Variants in PAPLN observed in about 807,000 individuals in gnomAD.
PAPLN encodes the protein papilin.
A neutral mutation model predicts 159.0 loss-of-function variants in PAPLN; 146 were observed. The ratio of observed to expected loss-of-function variants is 0.92; its 90% CI spans 0.80 to 1.05. The LOEUF is 1.05. Among genes scored for constraint, PAPLN ranks in the 50% least tolerant of loss-of-function variants. The probability of loss-of-function intolerance (pLI) is 0.00; values close to 1 mark genes in which losing one functional copy is unlikely to be tolerated. For missense variants in PAPLN, 1,720 were observed against 1,743.9 expected, an observed-to-expected ratio of 0.99 and a Z score of 0.24; for synonymous variants, 734 against 702.9, an observed-to-expected ratio of 1.04 and a Z score of -0.70.
chr14:73,264,347 C>T lies in PAPLN; in HGVS notation c.2986+12C>T. On this transcript the variant is annotated intron_variant, in intron 21 of 26. Transcript: ENST00000644200. ...ACTTCGCATCATAGGTCTCTGTCCC[C>T]ACCCCATCCACCAGTGCGTTCTCAG... 6.2e-7 allele frequency: 1 copy of T among 1,609,014 alleles called. No individual in the cohort carries two copies. Among genetic ancestry groups the T allele is most frequent in the South Asian group, 1.1e-5 (1 of 90,318 alleles).
chr14:73,255,435 ATGTC>A (rs1885795821), intron 14 of PAPLN, among the ~76,000 whole-genome samples: 1 of 152,134 alleles, frequency 6.6e-6, no homozygotes, highest in South Asian at 2.1e-4. Flanking sequence ...TACTCAGTGA[ATGTC>A]TGTTGAATGA....
At position 73,263,635 on chromosome 14, in the gene PAPLN, A is replaced by G. The variant is rs200790351; in HGVS notation, c.2724-10A>G. ...TGCCAGTCAGCAGATCTCACTTCCC[A>G]CCTCTCCAGGATTAGCTTGGCAGGT... On this transcript the variant is annotated splice_polypyrimidine_tract_variant and intron_variant, in intron 19 of 26. Transcript: ENST00000644200. 1.9e-6 allele frequency: 3 copies of G among 1,613,488 alleles called. No homozygotes were observed. Among genetic ancestry groups the G allele is most frequent in the East Asian group, 4.5e-5 (2 of 44,882 alleles).
rs1210849629 is a variant in PAPLN at position 73,253,824 on chromosome 14, T to C, written c.1165T>C (p.Cys389Arg). The C allele has an allele frequency of 6.2e-7, 1 of 1,613,644 alleles. No individual in the cohort carries two copies. Among genetic ancestry groups the C allele is most frequent in the Non-Finnish European group, 8.5e-7 (1 of 1,179,934 alleles). ...AGGCTCCCAGTCCCGCTCCGTGTACTGCATCTCGTCTGACGGGGCCGGCAT... is the reference window on the plus strand; with the variant it reads ...AGGCTCCCAGTCCCGCTCCGTGTACCGCATCTCGTCTGACGGGGCCGGCAT... ...GGGSQSRSVYCISSDGAGIQE... is the reference protein window; with the variant it reads ...GGGSQSRSVYRISSDGAGIQE... Residue 389 changes from cysteine to arginine, a missense_variant, in exon 12 of 27, where the codon TGC becomes CGC. By Grantham distance (180) the Cys-to-Arg change is radical (BLOSUM62 -3). Coordinates refer to ENST00000644200, the MANE Select transcript of PAPLN (RefSeq NM_001365906.3).
At chr14:73,270,808 A>G (rs1887652236) in intron 26 of PAPLN, among the ~76,000 whole-genome samples, 1 of 151,588 alleles carries the variant, frequency 6.6e-6, no homozygotes, top group East Asian at 1.9e-4. Context: ...CAGTCTGGCC[A>G]CTCTCCTCCG....
rs552094660 is a variant in PAPLN at position 73,265,689 on chromosome 14, C to G, written c.3263+182C>G. Among the ~76,000 whole-genome samples the G allele has an allele frequency of 4.6e-5, 7 of 152,200 alleles. No individual in the cohort carries two copies. Among genetic ancestry groups the G allele is most frequent in the Non-Finnish European group, 1.0e-4 (7 of 68,034 alleles). On this transcript the variant is annotated intron_variant, in intron 23 of 26. Transcript: ENST00000644200. This position sits in a 1 kb window ranked among gnomAD's most constrained non-coding sequence, Gnocchi z 4.1. ...TCCTTGGGTTGGCTAACATTTGAGT[C>G]TCTGGGCCTTTCCAGAATGTGGTTA...
rs140979962 is a variant in PAPLN, at chr14:73,254,997, C to A, written c.1606C>A (p.Gln536Lys). The A allele has an allele frequency of 1.1e-4, 181 of 1,613,556 alleles. No individual in the cohort carries two copies. In the African/African-American group the frequency reaches 1.9e-3, roughly 17 times the overall value. Reference sequence around the variant, plus strand: ...TGTGGATGTGGAGCCTTGTAACACGCAGCCCTGTCATCTCCCCCAGGGTAA... The same window carrying A: ...TGTGGATGTGGAGCCTTGTAACACGAAGCCCTGTCATCTCCCCCAGGGTAA... ...KPVDVEPCNT[Q>K]PCHLPQEVPS... The change falls in exon 14 of 27, where the codon CAG becomes AAG. Residue 536 changes from glutamine (Q) to lysine (K), a missense_variant. Coordinates refer to ENST00000644200, the MANE Select transcript of PAPLN (RefSeq NM_001365906.3).
intron 2 of PAPLN, among the ~76,000 whole-genome samples, chr14:73,241,030 G>A (rs886616870): frequency 7.2e-5 from 11 of 152,046 alleles, no homozygotes; most frequent in Non-Finnish European, 1.0e-4. Context: ...GGGATGCCAC[G>A]TCTGGCATCT....
chr14:73,244,569 C>A, intron 2 of PAPLN, 75 bp from the exon 3 acceptor site: 2 of 1,285,030 alleles, frequency 1.6e-6, no homozygotes, highest in East Asian at 2.5e-5. Flanking sequence ...GGGTTTTAGG[C>A]AGAGCATCTT....
chr14:73,238,095 G>T (rs1278183508), intron 1 of PAPLN, among the ~76,000 whole-genome samples: 1 of 152,194 alleles, frequency 6.6e-6, no homozygotes, highest in East Asian at 1.9e-4. Context: ...GCCTGGTCAG[G>T]GCTGGACCGA....
chr14:73,254,262 T>C (rs1172531888), intron 12 of PAPLN, among the ~76,000 whole-genome samples: 1 of 152,180 alleles, frequency 6.6e-6, no homozygotes, highest in African/African-American at 2.4e-5. Flanking sequence ...TCATTGCTTC[T>C]AGCACCTACG....
At chr14:73,250,808 G>T in intron 6 of PAPLN, 99 bp from the exon 7 acceptor site, 4 of 1,411,636 alleles carry the variant, frequency 2.8e-6, no homozygotes, top group South Asian at 1.5e-5. Flanking sequence ...ACCCTATCCT[G>T]CCTGGGCTGC....
rs781221888 is a variant in PAPLN, at chr14:73,258,997, A to T, written c.1646A>T (p.Asp549Val). The T allele has an allele frequency of 1.2e-6, 2 of 1,611,582 alleles. No homozygotes were observed. Among genetic ancestry groups the T allele is most frequent in the Admixed American group, 1.7e-5 (1 of 59,698 alleles). ...HLPQEVPSMQ[D>V]VHTPASNPWM... ...CCTGCAGAGGTCCCCAGCATGCAGG[A>T]TGTGCACACCCCTGCCAGCAACCCC... Residue 549 changes from aspartate to valine, a missense_variant, in exon 15 of 27, where the codon GAT becomes GTT. By Grantham distance (152) the Asp-to-Val change is radical (BLOSUM62 -3). Transcript: ENST00000644200.
chr14:73,269,231 T>G (rs1413057419), intron 26 of PAPLN, among the ~76,000 whole-genome samples: 1 of 151,882 alleles, frequency 6.6e-6, no homozygotes, highest in Non-Finnish European at 1.5e-5. Flanking sequence ...AAGTGGTGTT[T>G]CCACCGGTCA....
chr14:73,269,642 C>G (rs1217079279), intron 26 of PAPLN, among the ~76,000 whole-genome samples: 2 of 152,186 alleles, frequency 1.3e-5, no homozygotes, highest in Non-Finnish European at 2.9e-5. Flanking sequence ...TTTGCTCGTC[C>G]CCCAGCCTGT....
chr14:73,263,962 A>ACAGGTGTGTGTGACGGCCCC (rs1886902081), intron 20 of PAPLN, 180 bp downstream of exon 20: 5 of 1,146,312 alleles, frequency 4.4e-6, no homozygotes, highest in Non-Finnish European at 4.5e-6. Flanking sequence ...CGGCCCCCCG[A>ACAGGTGTGTGTGACGGCCCC]CCTCCTCTGA....
chr14:73,251,390 C>T lies in PAPLN; in HGVS notation c.590-96C>T, dbSNP rs987392035. 75 of 1,282,732 alleles carry T rather than the reference C, an allele frequency of 5.8e-5. No homozygotes were observed. The Admixed American group carries it at 1.1e-3, about 19-fold the overall frequency. 79.5% of individuals were successfully genotyped at this position (1,282,732 alleles called of 1,614,324 possible). ...GTCTGGCTCTTGTGTACCCTCCCTG[C>T]CCCCATTCTGTGCTGTGTGGCACTT... On this transcript the variant is annotated intron_variant, in intron 7 of 26. Transcript: ENST00000644200.
chr14:73,265,058 G>A lies in PAPLN; in HGVS notation c.3126-312G>A, dbSNP rs1887077527. Among the ~76,000 whole-genome samples the A allele has an allele frequency of 6.6e-6, 1 of 152,164 alleles. No homozygotes were observed. The highest frequency in any genetic ancestry group is 1.5e-5 in the Non-Finnish European group (1 of 68,026). On this transcript the variant is annotated intron_variant, in intron 22 of 26. Coordinates refer to ENST00000644200, the MANE Select transcript of PAPLN (RefSeq NM_001365906.3). The surrounding 1 kb of genome is among the most constrained non-coding windows in gnomAD (Gnocchi z 4.1). ...TTTACAGAGGGGGTGTGGAGGACCG[G>A]AGGGGGTGCCCAACTCAAAGACCTA...
chr14:73,253,409 A>G (rs1331833303), intron 11 of PAPLN, among the ~76,000 whole-genome samples: 1 of 152,190 alleles, frequency 6.6e-6, no homozygotes, highest in Non-Finnish European at 1.5e-5. Context: ...GGGTGAGCAC[A>G]GCCTCTCCAG....
chr14:73,258,919 C>CCGTA, intron 14 of PAPLN, 60 bp from the exon 15 acceptor site: 1 of 1,489,680 alleles, frequency 6.7e-7, no homozygotes, highest in South Asian at 1.3e-5. Context: ...CTGGCCACAG[C>CCGTA]TCAGGTCCAT....
Sources: gnomAD v4.1 joint callset for allele counts (sites outside exome capture counted in the v4.1 genomes callset) on GRCh38, gnomAD v4.1.1 for gene constraint, Gnocchi (gnomAD v3.1) non-coding constraint, MANE v1.5 for transcripts, NCBI Gene and HGNC (gene_info 2026-07-23, HGNC 2026-07-21) for gene names.